The following LARGE1 variants were observed in gnomAD, a reference collection of about 807,000 sequenced individuals.
The protein encoded by LARGE1 is LARGE xylosyl- and glucuronyltransferase 1.
In LARGE1, 43 loss-of-function variants were observed where a neutral mutation model predicts 87.6. That is an observed-to-expected ratio of 0.49 (90% CI 0.38 to 0.63). The LOEUF is 0.63. Ranked by LOEUF, LARGE1 falls within the 30% of genes least tolerant of loss-of-function variation. The pLI, the probability that LARGE1 is intolerant of heterozygous loss-of-function variation, is 0.00. For synonymous variants in LARGE1, 434 were observed against 394.6 expected, an observed-to-expected ratio of 1.10 and a Z score of -1.18; for missense variants, 802 against 1,000.2, an observed-to-expected ratio of 0.80 and a Z score of 2.67.
At chr22:33,290,966 G>A (rs756343480) in intron 12 of LARGE1, among the ~76,000 whole-genome samples, 2 of 151,936 alleles carry the variant, frequency 1.3e-5, no homozygotes, top group Non-Finnish European at 2.9e-5. Context: ...TTGAACCTGG[G>A]AGGCAGAGGG....
At chr22:33,113,470 G>GTGT in the LARGE1 span, among the ~76,000 whole-genome samples, 5 of 152,184 alleles carry the variant, frequency 3.3e-5, no homozygotes, top group Non-Finnish European at 7.4e-5. Flanking sequence ...ACCTCCCAAA[G>GTGT]TGTTGGGATT....
chr22:33,154,366 A>T, the LARGE1 span, among the ~76,000 whole-genome samples: 72 of 152,158 alleles, frequency 4.7e-4, no homozygotes, highest in Non-Finnish European at 8.2e-4. Context: ...TCAGCCTCCC[A>T]AGTACCTGAG....
chr22:33,705,993 C>A (rs888029478), intron 2 of LARGE1, among the ~76,000 whole-genome samples: 1 of 152,170 alleles, frequency 6.6e-6, no homozygotes, highest in Non-Finnish European at 1.5e-5. Flanking sequence ...AAGAGTCCCA[C>A]AGATGATAAA....
In LARGE1 at chr22:33,293,109, G is replaced by A. The variant is rs754258846; in HGVS notation, c.1731-9761C>T. Among the ~76,000 whole-genome samples, 12 of 152,308 alleles carry A rather than the reference G, an allele frequency of 7.9e-5. No individual in the cohort carries two copies. The South Asian group carries it at 1.2e-3, about 16-fold the overall frequency. On this transcript the variant is annotated intron_variant, in intron 12 of 14. Coordinates refer to ENST00000397394, the MANE Select transcript of LARGE1 (RefSeq NM_133642.5). ...ATGGAAGACTTCTCATCACTGAGATGTGTTCCAATCAAGAAGCAGGAGTTA... is the reference window on the plus strand; with the variant it reads ...ATGGAAGACTTCTCATCACTGAGATATGTTCCAATCAAGAAGCAGGAGTTA...
intron 6 of LARGE1, among the ~76,000 whole-genome samples, chr22:33,564,645 A>G (rs1236257072): frequency 6.6e-6 from 1 of 152,234 alleles, no homozygotes; most frequent in Non-Finnish European, 1.5e-5. Flanking sequence ...TTTACTAAAG[A>G]CATGTAAACA....
At chr22:33,752,635 G>C (rs12165830) in intron 2 of LARGE1, among the ~76,000 whole-genome samples, 20 of 152,170 alleles carry the variant, frequency 1.3e-4, no homozygotes, top group African/African-American at 4.8e-4. Flanking sequence ...TCAAATGCAA[G>C]AACCCAAAAC....
intron 2 of LARGE1, chr22:33,705,050 A>G (rs2082521028): frequency 6.6e-6 from 1 of 152,268 alleles, no homozygotes; most frequent in Admixed American, 6.5e-5. Flanking sequence ...CCATCAAAAC[A>G]GTAGGGTGTG....
At chr22:33,857,309 C>G (rs2063783662) in intron 1 of LARGE1, among the ~76,000 whole-genome samples, 1 of 152,204 alleles carries the variant, frequency 6.6e-6, no homozygotes, top group South Asian at 2.1e-4. Context: ...AGACTCCCCT[C>G]AAGGGCAGGA....
the LARGE1 span, among the ~76,000 whole-genome samples, chr22:33,100,349 C>CA: frequency 0.26 from 17,073 of 65,048 alleles, 2,348 homozygotes; most frequent in Non-Finnish European, 0.33. Context: ...GACTCCATCT[C>CA]AAAAAAAAAA....
chr22:33,162,814 T>C (rs2146117203), exon 12 of LARGE1: 1 of 152,360 alleles, frequency 6.6e-6, no homozygotes, highest in South Asian at 2.1e-4. Context: ...CAAAATGTTA[T>C]GGCACACTAA....
intron 3 of LARGE1, among the ~76,000 whole-genome samples, chr22:33,627,469 G>A (rs2149081718): frequency 6.6e-6 from 1 of 152,282 alleles, no homozygotes; most frequent in African/African-American, 2.4e-5. Context: ...GTTTCCTCCA[G>A]CATTCAATAC....
chr22:33,550,449 T>A (rs2077493329), intron 6 of LARGE1, among the ~76,000 whole-genome samples: 1 of 152,180 alleles, frequency 6.6e-6, no homozygotes, highest in Admixed American at 6.5e-5. Flanking sequence ...AGGCTAGGGA[T>A]ACTGCTGAAC....
At chr22:33,711,245 A>AC (rs1291893845) in intron 2 of LARGE1, among the ~76,000 whole-genome samples, 3 of 152,264 alleles carry the variant, frequency 2.0e-5, no homozygotes, top group African/African-American at 7.2e-5. Context: ...ATGTTTTGTA[A>AC]CCTGCTGGAG....
At chr22:33,820,331 A>AT (rs1425198322) in intron 1 of LARGE1, among the ~76,000 whole-genome samples, 6 of 151,810 alleles carry the variant, frequency 4.0e-5, no homozygotes, top group African/African-American at 1.5e-4. Context: ...ATGTTTATTA[A>AT]TTTTTTTAGA....
chr22:33,270,192 G>A (rs900163462), downstream of LARGE1, among the ~76,000 whole-genome samples: 2 of 152,132 alleles, frequency 1.3e-5, no homozygotes, highest in African/African-American at 4.8e-5. Flanking sequence ...TGGAAACAAA[G>A]ATCATGGTAT....
chr22:33,746,063 A>G (rs949036470), intron 2 of LARGE1, among the ~76,000 whole-genome samples: 1 of 152,174 alleles, frequency 6.6e-6, no homozygotes, highest in Non-Finnish European at 1.5e-5. Flanking sequence ...CTGTTCCCCC[A>G]TCTGCACAAT....
intron 1 of LARGE1, among the ~76,000 whole-genome samples, chr22:33,797,548 G>A (rs891873014): frequency 2.6e-5 from 4 of 152,200 alleles, no homozygotes; most frequent in Non-Finnish European, 4.4e-5. Flanking sequence ...AACGGTGGTT[G>A]GAGGCAGAGG....
At position 33,433,585 on chromosome 22, in the gene LARGE1, G is replaced by A. The variant is rs999681740; in HGVS notation, c.788-1320C>T. On this transcript the variant is annotated intron_variant, in intron 6 of 14. Transcript: ENST00000397394. ...CACTCCAGTCTGGGTGAGAGAGCAA[G>A]ACTCCGTCTCAAAAAACAAAACAAA... is the stretch of plus-strand genomic sequence containing the variant. Among the ~76,000 whole-genome samples, 6 of 107,966 alleles carry A rather than the reference G, an allele frequency of 5.6e-5. No individual in the cohort carries two copies. The Admixed American group carries it at 5.8e-4, about 11-fold the overall frequency. 70.8% of individuals were successfully genotyped at this position (107,966 alleles called of 152,430 possible).
intron 6 of LARGE1, among the ~76,000 whole-genome samples, chr22:33,535,415 C>A (rs1269573836): frequency 6.6e-6 from 1 of 152,016 alleles, no homozygotes; most frequent in African/African-American, 2.4e-5. Flanking sequence ...TGGTGGCAGG[C>A]GCCTGTAATC....
Sources: gnomAD v4.1 joint callset for allele counts (sites outside exome capture counted in the v4.1 genomes callset) on GRCh38, gnomAD v4.1.1 for gene constraint, MANE v1.5 for transcripts, NCBI Gene and HGNC (gene_info 2026-07-23, HGNC 2026-07-21) for gene names.